The following PRKAR1B variants were observed in gnomAD, a reference collection of about 807,000 sequenced individuals.
PRKAR1B encodes the protein cAMP-dependent protein kinase type I-beta regulatory subunit.
A neutral mutation model predicts 46.5 loss-of-function variants in PRKAR1B; 22 were observed. That is an observed-to-expected ratio of 0.47 (90% CI 0.34 to 0.68). The LOEUF (loss-of-function observed/expected upper bound fraction) is 0.68, where lower values mean the gene tolerates loss of function less well. PRKAR1B is among the 30% of genes least tolerant of loss of function. The pLI, the probability that PRKAR1B is intolerant of heterozygous loss-of-function variation, is 0.01. For missense variants in PRKAR1B, 445 were observed against 535.6 expected, an observed-to-expected ratio of 0.83 and a Z score of 1.67; for synonymous variants, 259 against 217.7, an observed-to-expected ratio of 1.19 and a Z score of -1.67.
In PRKAR1B at chr7:709,351, A is replaced by ATG. The variant is rs1562357838; in HGVS notation, c.177+1976_177+1977dup. ...TGTGTGTGTATGCATGTGTGTATGC[A>ATG]TGTGTGTGTGTATGTATTTCTTTTT... On this transcript the variant is annotated intron_variant, in intron 2 of 10. Transcript: ENST00000537384. Among the ~76,000 whole-genome samples, 3 of 150,240 alleles carry ATG rather than the reference A, an allele frequency of 2.0e-5. No individual in the cohort carries two copies. In the South Asian group the frequency reaches 6.3e-4, roughly 32 times the overall value.
intron 4 of PRKAR1B, among the ~76,000 whole-genome samples, chr7:634,897 C>T (rs1024995138): frequency 5.3e-5 from 8 of 152,166 alleles, no homozygotes; most frequent in Non-Finnish European, 1.2e-4. Context: ...ACCTCAGCCT[C>T]CCAAAGTGCT....
At chr7:554,897 G>A (rs941787130) in intron 9 of PRKAR1B, among the ~76,000 whole-genome samples, 5 of 152,352 alleles carry the variant, frequency 3.3e-5, no homozygotes, top group African/African-American at 7.2e-5. Context: ...CCATTTCATG[G>A]CTCGGAGGTG....
At chr7:618,195 G>A (rs1782935814) in intron 4 of PRKAR1B, among the ~76,000 whole-genome samples, 1 of 152,202 alleles carries the variant, frequency 6.6e-6, no homozygotes, top group African/African-American at 2.4e-5. Context: ...CACTCAGACT[G>A]GGTCCTGCTG....
intron 4 of PRKAR1B, among the ~76,000 whole-genome samples, chr7:633,529 C>T (rs917018203): frequency 2.0e-5 from 3 of 151,980 alleles, no homozygotes; most frequent in South Asian, 2.1e-4. Context: ...TTTGGGAGGC[C>T]GAGGCGGGAG....
chr7:683,226 T>C (rs927145837), intron 2 of PRKAR1B, among the ~76,000 whole-genome samples: 1 of 152,220 alleles, frequency 6.6e-6, no homozygotes, highest in Non-Finnish European at 1.5e-5. Context: ...TCCTGGGGTC[T>C]GACAGATGCA....
chr7:707,196 C>T (rs1780375326), intron 2 of PRKAR1B, among the ~76,000 whole-genome samples: 1 of 152,236 alleles, frequency 6.6e-6, no homozygotes, highest in Non-Finnish European at 1.5e-5. Flanking sequence ...AACGCACCCA[C>T]ATGTAGAACA....
At chr7:635,110 C>T (rs1054605215) in intron 4 of PRKAR1B, among the ~76,000 whole-genome samples, 1 of 152,204 alleles carries the variant, frequency 6.6e-6, no homozygotes, top group African/African-American at 2.4e-5. Context: ...TCTGTGTGAA[C>T]TATTTTCAAG....
At chr7:622,623 GT>G (rs1783170369) in intron 4 of PRKAR1B, among the ~76,000 whole-genome samples, 1 of 152,118 alleles carries the variant, frequency 6.6e-6, no homozygotes, top group Non-Finnish European at 1.5e-5. Context: ...CAGGACACGG[GT>G]TGTTATTCCC....
intron 2 of PRKAR1B, chr7:691,848 G>A (rs546909080): frequency 1.1e-5 from 13 of 1,167,474 alleles, no homozygotes; most frequent in East Asian, 6.2e-5. Flanking sequence ...ATCACTCTCC[G>A]GTCACCATGA....
upstream of PRKAR1B, chr7:727,794 C>T (rs1223965811): frequency 7.0e-6 from 1 of 143,776 alleles, no homozygotes; most frequent in Non-Finnish European, 1.5e-5. Flanking sequence ...CCGCGACCCT[C>T]ACCTCCCACC....
rs764447261 is a variant in PRKAR1B at position 596,187 on chromosome 7, G to C, written c.667C>G (p.Leu223Val). 16 of 1,613,912 alleles carry C rather than the reference G, an allele frequency of 9.9e-6. No individual in the cohort carries two copies. In the African/African-American group the frequency reaches 1.7e-4, roughly 17 times the overall value. The change falls in exon 7 of 11, where the codon CTC becomes GTC. Residue 223 changes from leucine to valine, a missense_variant. Transcript: ENST00000537384. Reference protein sequence around the residue: ...ATVKAKTDLKLWGIDRDSYRR... With the variant: ...ATVKAKTDLKVWGIDRDSYRR... The stretch of plus-strand genomic sequence containing the variant: ...TAGCTGTCCCGGTCGATCCCCCAGA[G>C]CTTGAGGTCCGTCTTGGCTTTCACG...
At chr7:577,347 C>T (rs964285268) in intron 9 of PRKAR1B, among the ~76,000 whole-genome samples, 4 of 152,166 alleles carry the variant, frequency 2.6e-5, no homozygotes, top group Non-Finnish European at 5.9e-5. Context: ...GGTGTTTCGG[C>T]GAGGACGGGA....
chr7:551,430 T>A lies in PRKAR1B; in HGVS notation c.932A>T (p.Glu311Val). The A allele has an allele frequency of 1.3e-6, 2 of 1,560,434 alleles. No homozygotes were observed. Among genetic ancestry groups the A allele is most frequent in the Non-Finnish European group, 1.7e-6 (2 of 1,152,012 alleles). The change falls in exon 10 of 11, where the codon GAG (glutamate) becomes GTG (valine). Residue 311 changes from glutamate to valine, a missense_variant. This residue lies in a region of PRKAR1B where 127 missense variants were observed against 138.0 expected (regional missense o/e 0.92). Coordinates refer to ENST00000537384, the MANE Select transcript of PRKAR1B (RefSeq NM_001164760.2). Reference protein sequence around the residue: ...SVLQRRSPNEEYVEVGRLGPS... With the variant: ...SVLQRRSPNEVYVEVGRLGPS... ...TCCCAGGCGCCCCACCTCCACGTAC[T>A]CCTCATTGGGGGACCGGCGCTGCAG...
At chr7:695,376 A>G (rs1779673846) in intron 2 of PRKAR1B, among the ~76,000 whole-genome samples, 1 of 151,908 alleles carries the variant, frequency 6.6e-6, no homozygotes, top group African/African-American at 2.4e-5. Context: ...CAGAAAAGAA[A>G]ATATCTGGGC....
In PRKAR1B at chr7:669,656, C is replaced by T. The variant is rs560845221; in HGVS notation, c.440+7573G>A. On this transcript the variant is annotated intron_variant, in intron 4 of 10. Transcript: ENST00000537384. ...GCGCACACCTGTAATCTCAGCTACTCGGGAGGCTGAGGCAGGAGAATCACT... is the reference window on the plus strand; with the variant it reads ...GCGCACACCTGTAATCTCAGCTACTTGGGAGGCTGAGGCAGGAGAATCACT... 1.8e-3 allele frequency among the ~76,000 whole-genome samples: 265 copies of T among 151,308 alleles called. 1 individual carries two copies. The highest frequency in any genetic ancestry group is 6.0e-3 in the African/African-American group (247 of 41,282).
chr7:581,614 A>C (rs2128444315), intron 8 of PRKAR1B, among the ~76,000 whole-genome samples: 1 of 152,356 alleles, frequency 6.6e-6, no homozygotes, highest in East Asian at 1.9e-4. Flanking sequence ...TTACATTTGA[A>C]ACCTGTAGTA....
chr7:566,610 T>C (rs1218204738), intron 9 of PRKAR1B, among the ~76,000 whole-genome samples: 2 of 152,280 alleles, frequency 1.3e-5, no homozygotes, highest in East Asian at 3.8e-4. Context: ...TGTCATCACA[T>C]CACCTTCATC....
intron 8 of PRKAR1B, among the ~76,000 whole-genome samples, chr7:583,044 G>A (rs1285859022): frequency 6.6e-6 from 1 of 152,118 alleles, no homozygotes; most frequent in East Asian, 1.9e-4. Context: ...GGAGGGTCCG[G>A]GGGCTGCCAG....
chr7:600,605 T>C (rs1781533945), intron 6 of PRKAR1B, among the ~76,000 whole-genome samples: 1 of 151,780 alleles, frequency 6.6e-6, no homozygotes, highest in Non-Finnish European at 1.5e-5. Flanking sequence ...CCCAGCTGCC[T>C]GGCGGTGCTC....
Sources: allele counts gnomAD v4.1 joint callset (sites outside exome capture counted in the v4.1 genomes callset), GRCh38; gene constraint gnomAD v4.1.1; regional missense constraint gnomAD v4.1.1; transcripts MANE v1.5; gene names NCBI Gene and HGNC (gene_info 2026-07-23, HGNC 2026-07-21).